The following NCAM2 variants were observed in gnomAD, a reference collection of about 807,000 sequenced individuals.
The protein encoded by NCAM2 is neural cell adhesion molecule 2, also known as N-CAM-2.
Under a neutral mutation model 98.1 loss-of-function variants are expected in NCAM2, and 30 were observed. The observed-to-expected ratio is 0.31, with a 90% CI of 0.23 to 0.41. The LOEUF (loss-of-function observed/expected upper bound fraction) is 0.41. Ranked by LOEUF, NCAM2 falls within the 10% of genes least tolerant of loss-of-function variation. The pLI is 1.00. For synonymous variants in NCAM2, 368 were observed against 342.4 expected (o/e 1.07, Z -0.83); for missense variants, 867 against 1,005.8 (o/e 0.86, Z 1.87).
At chr21:21,019,010 T>C (rs376736554) in intron 1 of NCAM2, among the ~76,000 whole-genome samples, 8 of 152,346 alleles carry the variant, frequency 5.3e-5, no homozygotes, top group African/African-American at 1.9e-4. Context: ...GGCTGAATGG[T>C]TGGATGCTAA....
chr21:21,537,988 A>G lies in NCAM2; in HGVS notation c.*31A>G, dbSNP rs761443500. 4.6e-6 allele frequency: 6 copies of G among 1,293,912 alleles called. No homozygotes were observed. Among genetic ancestry groups the G allele is most frequent in the East Asian group, 2.4e-5 (1 of 40,932 alleles). The allele number at this position is 1,293,912 out of a possible 1,614,324, so 80.2% of individuals were successfully genotyped here. A position where few individuals can be genotyped will look rare whatever the true frequency, so the allele number is the denominator to read the frequency against. ...ATATTACAGGGGCTTGAACAACACT[A>G]CGAAGAGTATTTGGATTGCGTGACC... On this transcript the variant is annotated 3_prime_UTR_variant, in exon 18 of 18. Transcript: ENST00000400546.
chr21:21,045,900 C>G (rs567894452), intron 1 of NCAM2, among the ~76,000 whole-genome samples: 1 of 152,254 alleles, frequency 6.6e-6, no homozygotes, highest in African/African-American at 2.4e-5. Context: ...GATAAACCAG[C>G]TGTAGAGCAA....
intron 9 of NCAM2, among the ~76,000 whole-genome samples, chr21:21,392,182 A>G (rs1285731468): frequency 6.6e-6 from 1 of 152,156 alleles, no homozygotes; most frequent in Non-Finnish European, 1.5e-5. Context: ...ACTCCAACTT[A>G]TAAGTGAGAA....
intron 1 of NCAM2, among the ~76,000 whole-genome samples, chr21:21,141,343 T>C (rs1263814592): frequency 6.6e-6 from 1 of 152,180 alleles, no homozygotes; most frequent in Non-Finnish European, 1.5e-5. Flanking sequence ...CTATTGATGA[T>C]CTTTGCTAGA....
At chr21:21,467,040 G>T (rs980229834) in intron 13 of NCAM2, among the ~76,000 whole-genome samples, 3 of 151,820 alleles carry the variant, frequency 2.0e-5, no homozygotes, top group Admixed American at 6.6e-5. Context: ...ACTATATTCT[G>T]GGAGAAGAAA....
rs570267633 is a variant in NCAM2 at position 21,253,059 on chromosome 21, T to A, written c.56-27519T>A. Among the ~76,000 whole-genome samples, 257 of 152,322 alleles carry A rather than the reference T, an allele frequency of 1.7e-3. 1 individual carries two copies. The highest frequency in any genetic ancestry group is 5.6e-3 in the African/African-American group (233 of 41,582). On this transcript the variant is annotated intron_variant, in intron 1 of 17. Transcript: ENST00000400546. ...TCTTCCCTTTTCTCTGATCTTGATT[T>A]CTCAATAATTAGAAACCGACATCAT... is the stretch of plus-strand genomic sequence containing the variant.
At chr21:21,490,991 G>C (rs747121873) in intron 15 of NCAM2, among the ~76,000 whole-genome samples, 1 of 151,740 alleles carries the variant, frequency 6.6e-6, no homozygotes, top group Admixed American at 6.6e-5. Flanking sequence ...TGTTATACGT[G>C]TTTTCTTTAT....
chr21:21,529,647 G>T (rs1989514444), intron 16 of NCAM2, among the ~76,000 whole-genome samples: 1 of 151,780 alleles, frequency 6.6e-6, no homozygotes, highest in African/African-American at 2.4e-5. Flanking sequence ...TTCTGGCAGG[G>T]TGTGCTTATT....
intron 1 of NCAM2, among the ~76,000 whole-genome samples, chr21:21,051,876 T>C (rs899791330): frequency 6.6e-6 from 1 of 152,196 alleles, no homozygotes; most frequent in Non-Finnish European, 1.5e-5. Flanking sequence ...GTAATAACAG[T>C]GGCACAGATA....
rs72473034 is a variant in NCAM2, at chr21:21,043,850, C to CAAA, written c.55+45247_55+45249dup. ...GCCTGGGTGACTTGTGAGACTCCGT[C>CAAA]AAAAAAAAAAAAAAAAAGAAAAAAG... On this transcript the variant is annotated intron_variant, in intron 1 of 17. Coordinates refer to ENST00000400546, the MANE Select transcript of NCAM2 (RefSeq NM_004540.5). 2.8e-3 allele frequency among the ~76,000 whole-genome samples: 332 copies of CAAA among 119,870 alleles called. 4 individuals are homozygous for CAAA. The highest frequency in any genetic ancestry group is 9.8e-3 in the African/African-American group (301 of 30,846). 78.6% of individuals were successfully genotyped at this position (119,870 alleles called of 152,430 possible). A position where few individuals can be genotyped will look rare whatever the true frequency, so the allele number is the denominator to read the frequency against.
intron 16 of NCAM2, among the ~76,000 whole-genome samples, chr21:21,522,811 T>C (rs1400096665): frequency 6.6e-6 from 1 of 151,902 alleles, no homozygotes; most frequent in South Asian, 2.1e-4. Flanking sequence ...TTTGTATTTT[T>C]AGTAGAGGCG....
chr21:21,221,881 A>G (rs957754167), intron 1 of NCAM2, among the ~76,000 whole-genome samples: 2 of 152,146 alleles, frequency 1.3e-5, no homozygotes, highest in African/African-American at 4.8e-5. Flanking sequence ...TGTGACTTTC[A>G]TAGCTACAGA....
chr21:21,309,788 A>C (rs750160868), intron 5 of NCAM2, among the ~76,000 whole-genome samples: 1 of 152,170 alleles, frequency 6.6e-6, no homozygotes, highest in Non-Finnish European at 1.5e-5. Context: ...CCTGTGCTGC[A>C]ATCTAGAAAC....
At chr21:21,061,499 A>T (rs2065320489) in intron 1 of NCAM2, among the ~76,000 whole-genome samples, 1 of 152,178 alleles carries the variant, frequency 6.6e-6, no homozygotes, top group South Asian at 2.1e-4. Flanking sequence ...AGAACTTACC[A>T]CATAAAAAGT....
chr21:21,415,802 T>C (rs1439183433), intron 10 of NCAM2, among the ~76,000 whole-genome samples: 5 of 152,196 alleles, frequency 3.3e-5, no homozygotes, highest in Non-Finnish European at 7.4e-5. Flanking sequence ...TCAGCCTTCA[T>C]TGAATTGAGG....
At chr21:21,356,987 C>A (rs796921137) in intron 8 of NCAM2, among the ~76,000 whole-genome samples, 9 of 144,960 alleles carry the variant, frequency 6.2e-5, no homozygotes, top group African/African-American at 2.1e-4. Flanking sequence ...GAAACTCCAT[C>A]AATAAATAAA....
intron 10 of NCAM2, among the ~76,000 whole-genome samples, chr21:21,416,148 G>A (rs1053618856): frequency 2.0e-5 from 3 of 152,192 alleles, no homozygotes; most frequent in South Asian, 2.1e-4. Context: ...GACCATTGTA[G>A]GATTATGATT....
In NCAM2 at chr21:20,998,578, C is replaced by T. The variant is rs767146156; in HGVS notation, c.15C>T (p.Leu5=). 1.3e-5 allele frequency: 21 copies of T among 1,613,982 alleles called. No homozygotes were observed. Among genetic ancestry groups the T allele is most frequent in the Non-Finnish European group, 1.4e-5 (17 of 1,180,014 alleles). ...ACGTCCTGAACATGAGCCTCCTCCT[C>T]TCCTTCTACCTGCTGGGGTTGCTTG... The part of the protein sequence containing the change: MSLL[L]SFYLLGLLVS... The change falls in exon 1 of 18, where the codon CTC becomes CTT. Residue 5 remains leucine (L), a synonymous_variant. Coordinates refer to ENST00000400546, the MANE Select transcript of NCAM2 (RefSeq NM_004540.5).
intron 1 of NCAM2, among the ~76,000 whole-genome samples, chr21:21,074,406 TTTACATTTATTTTACATTAA>T (rs958718079): frequency 3.9e-5 from 6 of 152,190 alleles, no homozygotes; most frequent in African/African-American, 9.6e-5. Context: ...TACTTATTAA[TTTACATTTATTTTACATTAA>T]TTACATTTAT....
Sources: allele counts gnomAD v4.1 joint callset (sites outside exome capture counted in the v4.1 genomes callset), GRCh38; gene constraint gnomAD v4.1.1; transcripts MANE v1.5; gene names NCBI Gene and HGNC (gene_info 2026-07-23, HGNC 2026-07-21).